Variants in DNAH14 observed in about 807,000 individuals in gnomAD.
DNAH14 encodes the protein axonemal beta dynein heavy chain 14.
DNAH14 carries 478 observed loss-of-function variants against 520.9 expected under a neutral mutation model. The observed-to-expected ratio is 0.92, with a 90% CI of 0.85 to 0.99. The LOEUF is 0.99. DNAH14 is among the 50% of genes least tolerant of loss of function. DNAH14 has a pLI of 0.00. For missense variants in DNAH14, 4,831 were observed against 5,234.5 expected, an observed-to-expected ratio of 0.92 and a Z score of 2.38; for synonymous variants, 1,581 against 1,757.2, an observed-to-expected ratio of 0.90 and a Z score of 2.51.
intron 44 of DNAH14, 59 bp downstream of exon 44, chr1:225,252,476 A>G: frequency 1.1e-6 from 1 of 923,472 alleles, no homozygotes; most frequent in Non-Finnish European, 1.6e-6. Flanking sequence ...TACTCTATTC[A>G]TAAAAGTAAT....
chr1:225,085,748 C>G lies in DNAH14; in HGVS notation c.3532C>G (p.Leu1178Val). The G allele has an allele frequency of 6.4e-7, 1 of 1,551,114 alleles. No individual in the cohort carries two copies. Among genetic ancestry groups the G allele is most frequent in the Non-Finnish European group, 8.7e-7 (1 of 1,146,746 alleles). The change falls in exon 21 of 86, where the codon CTT (leucine) becomes GTT (valine). Residue 1178 changes from leucine (L) to valine (V), a missense_variant. By Grantham distance (32) the Leu-to-Val change is conservative. Transcript: ENST00000682510. Reference protein sequence around the residue: ...SAQLEESQVILATIKGSPHIG... With the variant: ...SAQLEESQVIVATIKGSPHIG... ...TCAGTTAGAAGAGTCTCAAGTCATA[C>G]TTGCAACAATTAAAGGATCTCCCCA...
intron 42 of DNAH14, among the ~76,000 whole-genome samples, chr1:225,237,762 G>A (rs978820924): frequency 3.3e-5 from 5 of 152,044 alleles, no homozygotes; most frequent in Non-Finnish European, 7.4e-5. Flanking sequence ...CATAGGTTCG[G>A]TATCCTTACA....
At chr1:224,931,162 T>C (rs999145784) in intron 1 of DNAH14, among the ~76,000 whole-genome samples, 20 of 152,240 alleles carry the variant, frequency 1.3e-4, no homozygotes, top group Admixed American at 3.9e-4. Context: ...AATTAAAAAG[T>C]TTAAAAAGTA....
intron 35 of DNAH14, among the ~76,000 whole-genome samples, chr1:225,165,204 G>A (rs893188212): frequency 6.6e-6 from 1 of 151,828 alleles, no homozygotes; most frequent in Non-Finnish European, 1.5e-5. Context: ...TTGCTCCAGG[G>A]TCACTCTGAA....
In DNAH14 at chr1:224,955,032, A is replaced by C. The variant is rs1233218293; in HGVS notation, c.151A>C (p.Lys51Gln). The change falls in exon 3 of 86, where the codon AAG (lysine) becomes CAG (glutamine). Residue 51 changes from lysine (K) to glutamine (Q), a missense_variant. Lys to Gln is a moderately conservative substitution (Grantham distance 53). Transcript: ENST00000682510. ...LETQPAEIAE[K>Q]ETLEYKTVRT... The stretch of plus-strand genomic sequence containing the variant: ...GACTCAACCAGCTGAAATAGCAGAA[A>C]AGGAAACATTGGAATATAAAACAGT... The C allele has an allele frequency of 2.5e-6, 4 of 1,611,874 alleles. No individual in the cohort carries two copies. The highest frequency in any genetic ancestry group is 2.7e-5 in the African/African-American group (2 of 74,890).
At chr1:225,341,457 A>C (rs923561283) in intron 69 of DNAH14, among the ~76,000 whole-genome samples, 2 of 152,186 alleles carry the variant, frequency 1.3e-5, no homozygotes, top group Admixed American at 6.5e-5. Context: ...CCCCATCTCT[A>C]CTAAAAATAC....
rs559958051 is a variant in DNAH14, at chr1:225,340,060, T to TA, written c.10434-397_10434-396insA. ...CTTTACTTCTAAAGCTATTGAAATT[T>TA]TTTTTTAAATGATAGCTGCTAGAGA... is the stretch of plus-strand genomic sequence containing the variant. On this transcript the variant is annotated intron_variant, in intron 68 of 85. Coordinates refer to ENST00000682510, the MANE Select transcript of DNAH14 (RefSeq NM_001367479.1). Among the ~76,000 whole-genome samples, 13 of 151,904 alleles carry TA rather than the reference T, an allele frequency of 8.6e-5. No individual in the cohort carries two copies. In the South Asian group the frequency reaches 2.7e-3, roughly 32 times the overall value.
At chr1:225,065,220 T>C (rs1353086670) in intron 17 of DNAH14, among the ~76,000 whole-genome samples, 1 of 151,996 alleles carries the variant, frequency 6.6e-6, no homozygotes, top group Non-Finnish European at 1.5e-5. Flanking sequence ...TTTGGGGTTT[T>C]ACATTGTTGT....
At chr1:225,144,730 AT>A in intron 29 of DNAH14, 102 bp downstream of exon 29, 1 of 906,036 alleles carries the variant, frequency 1.1e-6, no homozygotes, top group Admixed American at 2.7e-5. Context: ...TAAGATGTTC[AT>A]TGCATTAACA....
chr1:225,340,562 A>C lies in DNAH14; in HGVS notation c.10539A>C (p.Gln3513His), dbSNP rs1256585341. Reference sequence around the variant, plus strand: ...TAACATTCCAAGGTTTGCAAGATCAACTCTTGTCTACTGTGGTAACTCATG... The same window carrying C: ...TAACATTCCAAGGTTTGCAAGATCACCTCTTGTCTACTGTGGTAACTCATG... The part of the protein sequence containing the change: ...FTVTFQGLQD[Q>H]LLSTVVTHEV... Residue 3513 changes from glutamine to histidine, a missense_variant, in exon 69 of 86, where the codon CAA (glutamine) becomes CAC (histidine). Physicochemically the swap from Gln to His is conservative, Grantham distance 24. Transcript: ENST00000682510. The C allele has an allele frequency of 6.4e-7, 1 of 1,551,248 alleles. No individual in the cohort carries two copies. Among genetic ancestry groups the C allele is most frequent in the African/African-American group, 1.4e-5 (1 of 72,990 alleles).
intron 11 of DNAH14, among the ~76,000 whole-genome samples, chr1:225,025,704 CT>C (rs1299918100): frequency 2.6e-5 from 4 of 151,978 alleles, no homozygotes; most frequent in Non-Finnish European, 4.4e-5. Context: ...GCAGTGATCA[CT>C]AAATATATAA....
chr1:225,259,134 T>C lies in DNAH14; in HGVS notation c.7038T>C (p.Val2346=). 6.5e-7 allele frequency: 1 copy of C among 1,542,734 alleles called. No individual in the cohort carries two copies. The highest frequency in any genetic ancestry group is 1.2e-5 in the South Asian group (1 of 82,036). The change falls in exon 46 of 86, where the codon GTT becomes GTC. Residue 2346 remains valine, a synonymous_variant. Coordinates refer to ENST00000682510, the MANE Select transcript of DNAH14 (RefSeq NM_001367479.1). ...TTTTTCCCTTAGGAGAATCTGGTGT[T>C]GGGAAAACTGCTGCCATTAATCAAA... ...CPVLLTGESG[V]GKTAAINQML... is the part of the protein sequence containing the mutation.
At chr1:225,250,108 G>A (rs966192423) in intron 43 of DNAH14, among the ~76,000 whole-genome samples, 1 of 152,136 alleles carries the variant, frequency 6.6e-6, no homozygotes, top group African/African-American at 2.4e-5. Context: ...AGAATTGCTG[G>A]GTCATATTGT....
chr1:225,260,031 C>T (rs1228487), intron 46 of DNAH14, among the ~76,000 whole-genome samples: 22,669 of 151,466 alleles, frequency 0.15, 1,948 homozygotes, highest in East Asian at 0.36. Context: ...TATATATATA[C>T]ACACACACAC....
chr1:225,239,911 T>A (rs1019414832), intron 42 of DNAH14, among the ~76,000 whole-genome samples: 5 of 152,232 alleles, frequency 3.3e-5, no homozygotes, highest in Non-Finnish European at 7.3e-5. Context: ...CTGAACTATA[T>A]GAAATGTCTT....
intron 17 of DNAH14, among the ~76,000 whole-genome samples, chr1:225,062,573 G>T (rs1428709268): frequency 6.6e-6 from 1 of 152,096 alleles, no homozygotes; most frequent in East Asian, 1.9e-4. Flanking sequence ...CCAGAAATCT[G>T]CCCTGGGGTC....
Position 224,952,790 on chromosome 1 carries a change from G to C in DNAH14, c.77+11G>C, listed in dbSNP as rs2060260344. 6.4e-7 allele frequency: 1 copy of C among 1,562,956 alleles called. No homozygotes were observed. The highest frequency in any genetic ancestry group is 1.2e-5 in the South Asian group (1 of 83,132). On this transcript the variant is annotated intron_variant, in intron 2 of 85. Coordinates refer to ENST00000682510, the MANE Select transcript of DNAH14 (RefSeq NM_001367479.1). ...CAAGACAAAACCAAGGTAAAAGTAA[G>C]ATAAAATATAATGAGTTTTTTTCTA...
intron 41 of DNAH14, among the ~76,000 whole-genome samples, chr1:225,224,437 C>G (rs1440797523): frequency 6.6e-6 from 1 of 152,060 alleles, no homozygotes; most frequent in East Asian, 1.9e-4. Context: ...CATTATCTCC[C>G]TATATCCAGC....
intron 73 of DNAH14, among the ~76,000 whole-genome samples, chr1:225,354,645 C>T (rs1179747150): frequency 6.6e-6 from 1 of 152,082 alleles, no homozygotes; most frequent in Non-Finnish European, 1.5e-5. Context: ...GACAGCATGG[C>T]TCTCATATCT....
Sources: allele counts gnomAD v4.1 joint callset (sites outside exome capture counted in the v4.1 genomes callset), GRCh38; gene constraint gnomAD v4.1.1; transcripts MANE v1.5; gene names NCBI Gene and HGNC (gene_info 2026-07-23, HGNC 2026-07-21).